PDP2: variants seen among roughly 807,000 people sequenced by gnomAD.
PDP2 encodes [Pyruvate dehydrogenase [acetyl-transferring]]-phosphatase 2, mitochondrial.
PDP2 carries 23 observed loss-of-function variants against 34.2 expected under a neutral mutation model. The observed-to-expected ratio is 0.67, with a 90% confidence interval of 0.48 to 0.95. The LOEUF is 0.95. PDP2 is among the 40% of genes least tolerant of loss of function. The pLI is 0.00. For synonymous variants in PDP2, 275 were observed against 269.2 expected (o/e 1.02, Z -0.21); for missense variants, 571 against 659.6 (o/e 0.87, Z 1.47).
At position 66,885,849 on chromosome 16, in the gene PDP2, T is replaced by C; in HGVS notation, c.1565T>C (p.Ile522Thr). 1.2e-6 allele frequency: 2 copies of C among 1,608,986 alleles called. No homozygotes were observed. The highest frequency in any genetic ancestry group is 1.7e-6 in the Non-Finnish European group (2 of 1,176,654). ...GTGGTGTATTTTAACTCAGAATCAA[T>C]CGGTGCATATTACAAGGGGGGTTAA... ...VTVVYFNSES[I>T]GAYYKGG Residue 522 changes from isoleucine (I) to threonine (T), a missense_variant, in exon 2 of 2, where the codon ATC becomes ACC. By Grantham distance (89) the Ile-to-Thr change is moderately conservative. Around this residue, in one of 2 missense-constraint regions of PDP2, gnomAD observed 281 missense variants for 375.8 expected, o/e 0.75. Coordinates refer to ENST00000311765, the MANE Select transcript of PDP2 (RefSeq NM_020786.4). This position sits in a 1 kb window ranked among gnomAD's most constrained non-coding sequence, Gnocchi z 4.6.
chr16:66,883,359 C>T (rs1961597414), intron 1 of PDP2, among the ~76,000 whole-genome samples: 1 of 152,122 alleles, frequency 6.6e-6, no homozygotes, highest in South Asian at 2.1e-4. Flanking sequence ...GTCTCGATCT[C>T]CTGAACTCGT....
At chr16:66,883,384 G>A (rs1961599258) in intron 1 of PDP2, among the ~76,000 whole-genome samples, 1 of 151,954 alleles carries the variant, frequency 6.6e-6, no homozygotes, top group Admixed American at 6.6e-5. Context: ...AGCCCACCTC[G>A]GCCTCCCAAA....
chr16:66,881,701 A>G lies in PDP2; in HGVS notation c.-55+1061A>G, dbSNP rs538398459. Among the ~76,000 whole-genome samples, 25 of 152,218 alleles carry G rather than the reference A, an allele frequency of 1.6e-4. No homozygotes were observed. In the East Asian group the frequency reaches 4.8e-3, roughly 29 times the overall value. ...TTTGTTGTTGTTGTTGTTTTTAAAG[A>G]GACAGATCTGGCTCTGTCGCCCAGG... On this transcript the variant is annotated intron_variant, in intron 1 of 1. Transcript: ENST00000311765.
chr16:66,884,639 C>G lies in PDP2; in HGVS notation c.355C>G (p.Pro119Ala). Residue 119 changes from proline to alanine, a missense_variant, in exon 2 of 2, where the codon CCA becomes GCA. Around this residue, in one of 2 missense-constraint regions of PDP2, gnomAD observed 290 missense variants for 283.8 expected, o/e 1.02. Coordinates refer to ENST00000311765, the MANE Select transcript of PDP2 (RefSeq NM_020786.4). ...GAGCAACCAGCTGGCTGCCAATTCC[C>G]CAGTGGAGGACCGGCGAGGTGTAGC... is the stretch of plus-strand genomic sequence containing the variant. ...FESNQLAANS[P>A]VEDRRGVASC... 1 of 1,614,230 alleles carries G rather than the reference C, an allele frequency of 6.2e-7. No individual in the cohort carries two copies. The highest frequency in any genetic ancestry group is 8.5e-7 in the Non-Finnish European group (1 of 1,180,038).
Position 66,885,193 on chromosome 16 carries a change from G to A in PDP2, c.909G>A (p.Leu303=). Residue 303 remains leucine, a synonymous_variant, in exon 2 of 2, where the codon CTG becomes CTA. Coordinates refer to ENST00000311765, the MANE Select transcript of PDP2 (RefSeq NM_020786.4). This position sits in a 1 kb window ranked among gnomAD's most constrained non-coding sequence, Gnocchi z 4.6. ...AGGACAATGGCATGTGGTCTTGTCT[G>A]CCCCTTACACGTGACCACAATGCCT... The part of the protein sequence containing the change: ...VQEDNGMWSC[L]PLTRDHNAWN... 1 of 1,613,966 alleles carries A rather than the reference G, an allele frequency of 6.2e-7. No homozygotes were observed.
At chr16:66,881,426 TTTTTTAATTTAATTTAA>T (rs1567514411) in intron 1 of PDP2, among the ~76,000 whole-genome samples, 1 of 133,100 alleles carries the variant, frequency 7.5e-6, no homozygotes, top group African/African-American at 3.6e-5. Flanking sequence ...CTGTTTTTTT[TTTTTTAATTTAATTTAA>T]TTTAATTTAA....
At chr16:66,882,377 AG>A (rs1961559136) in intron 1 of PDP2, among the ~76,000 whole-genome samples, 3 of 152,282 alleles carry the variant, frequency 2.0e-5, no homozygotes, top group Admixed American at 2.0e-4. Flanking sequence ...GCAAGGCTGC[AG>A]TGAGCCACGA....
In PDP2 at chr16:66,886,279, C is replaced by T; in HGVS notation, c.*405C>T. On this transcript the variant is annotated 3_prime_UTR_variant, in exon 2 of 2. Transcript: ENST00000311765. ...AAAAATCTGCAAATTTGATAATTCT[C>T]CTGAATTCACAATCATGGACTTGTA... 4.2e-6 allele frequency: 1 copy of T among 236,644 alleles called. No individual in the cohort carries two copies. Among genetic ancestry groups the T allele is most frequent in the Non-Finnish European group, 9.3e-6 (1 of 107,406 alleles). The allele number at this position is 236,644 out of a possible 1,614,324, so 14.7% of individuals were successfully genotyped here.
intron 1 of PDP2, chr16:66,883,130 T>C (rs1344217445): frequency 6.6e-6 from 1 of 151,824 alleles, no homozygotes; most frequent in African/African-American, 2.4e-5. Flanking sequence ...CGAAGCAGAT[T>C]ATTTATTTAT....
intron 1 of PDP2, among the ~76,000 whole-genome samples, chr16:66,881,242 C>A (rs367972394): frequency 9.2e-5 from 14 of 152,260 alleles, no homozygotes; most frequent in Middle Eastern, 3.4e-3. Context: ...GCGCCCTCTG[C>A]TCCCGGACAG....
At position 66,884,517 on chromosome 16, in the gene PDP2, G is replaced by A. The variant is rs1399499819; in HGVS notation, c.233G>A (p.Ser78Asn). ...GAAGATGATTTTCACTTGCAACTCA[G>A]CCCTGAGCAGATAAATGAAGTGCTT... The part of the protein sequence containing the change: ...TEEDDFHLQL[S>N]PEQINEVLRA... Residue 78 changes from serine to asparagine, a missense_variant, in exon 2 of 2, where the codon AGC becomes AAC. Physicochemically the swap from Ser to Asn is conservative, Grantham distance 46. Transcript: ENST00000311765. The A allele has an allele frequency of 6.2e-7, 1 of 1,614,210 alleles. No individual in the cohort carries two copies. Among genetic ancestry groups the A allele is most frequent in the Admixed American group, 1.7e-5 (1 of 60,018 alleles).
rs761891095 is a variant in PDP2 at position 66,885,850 on chromosome 16, C to T, written c.1566C>T (p.Ile522=). ...TGGTGTATTTTAACTCAGAATCAAT[C>T]GGTGCATATTACAAGGGGGGTTAAG... is the stretch of plus-strand genomic sequence containing the variant. The part of the protein sequence containing the change: ...VTVVYFNSES[I]GAYYKGG Residue 522 remains isoleucine, a synonymous_variant, in exon 2 of 2, where the codon ATC becomes ATT. Coordinates refer to ENST00000311765, the MANE Select transcript of PDP2 (RefSeq NM_020786.4). This position sits in a 1 kb window ranked among gnomAD's most constrained non-coding sequence, Gnocchi z 4.6. 3.1e-6 allele frequency: 5 copies of T among 1,608,382 alleles called. No homozygotes were observed. The Admixed American group carries it at 5.0e-5, about 16-fold the overall frequency.
chr16:66,884,321 A>G lies in PDP2; in HGVS notation c.37A>G (p.Thr13Ala), dbSNP rs745711778. Residue 13 changes from threonine (T) to alanine (A), a missense_variant, in exon 2 of 2, where the codon ACA becomes GCA. Thr to Ala is a moderately conservative substitution (Grantham distance 58, BLOSUM62 0). This residue lies in a region of PDP2 where 290 missense variants were observed against 283.8 expected (regional missense o/e 1.02). Transcript: ENST00000311765. Reference protein sequence around the residue: ...STVSYWILNSTRNSIATLQGG... With the variant: ...STVSYWILNSARNSIATLQGG... ...TGTGTCCTACTGGATCTTAAATTCT[A>G]CAAGGAACAGCATTGCCACATTGCA... 127 of 1,613,110 alleles carry G rather than the reference A, an allele frequency of 7.9e-5. 2 individuals are homozygous for G. In the South Asian group the frequency reaches 1.2e-3, roughly 16 times the overall value.
chr16:66,885,523 C>G lies in PDP2; in HGVS notation c.1239C>G (p.Gly413=). The change falls in exon 2 of 2, where the codon GGC becomes GGG. Residue 413 remains glycine (G), a synonymous_variant. Coordinates refer to ENST00000311765, the MANE Select transcript of PDP2 (RefSeq NM_020786.4). This position sits in a 1 kb window ranked among gnomAD's most constrained non-coding sequence, Gnocchi z 4.6. ...AGTTCCTTGTGCTGGCCTCAGATGG[C>G]CTGTGGGACATGCTGAGCAATGAGG... The part of the protein sequence containing the change: ...QDKFLVLASD[G]LWDMLSNEDV... The G allele has an allele frequency of 2.5e-6, 4 of 1,614,066 alleles. No homozygotes were observed. The highest frequency in any genetic ancestry group is 3.4e-6 in the Non-Finnish European group (4 of 1,180,032).
Position 66,886,631 on chromosome 16 carries a change from G to T in PDP2, c.*757G>T. ...TACTGAGTCCCATTCCAGAAACTTT[G>T]AGCCATGCTAGGAGGTAACTAGTCT... On this transcript the variant is annotated 3_prime_UTR_variant, in exon 2 of 2. Transcript: ENST00000311765. 9.2e-6 allele frequency: 4 copies of T among 435,898 alleles called. No homozygotes were observed. Among genetic ancestry groups the T allele is most frequent in the South Asian group, 4.8e-5 (3 of 61,992 alleles). The allele number at this position is 435,898 out of a possible 1,614,324, so 27.0% of individuals were successfully genotyped here.
In PDP2 at chr16:66,889,705, C is replaced by T. The variant is rs1961929972; in HGVS notation, c.*3831C>T. The T allele has an allele frequency of 6.6e-6, 1 of 151,738 alleles. No individual in the cohort carries two copies. The highest frequency in any genetic ancestry group is 2.4e-5 in the African/African-American group (1 of 41,264). The allele number at this position is 151,738 out of a possible 1,614,324, so 9.4% of individuals were successfully genotyped here. On this transcript the variant is annotated 3_prime_UTR_variant, in exon 2 of 2. Coordinates refer to ENST00000311765, the MANE Select transcript of PDP2 (RefSeq NM_020786.4). The stretch of plus-strand genomic sequence containing the variant: ...AAATTCGTGGCTAGGCACAGTGGCC[C>T]ACACCTGTAATCCCAGCACTTTGGG...
chr16:66,881,628 C>G (rs1412555118), intron 1 of PDP2, among the ~76,000 whole-genome samples: 3 of 151,892 alleles, frequency 2.0e-5, no homozygotes, highest in Non-Finnish European at 4.4e-5. Context: ...AGGATAAAAC[C>G]TAAGTAGAGA....
rs140965631 is a variant in PDP2, at chr16:66,884,704, C to T, written c.420C>T (p.Phe140=). ...CCAATGGACTGATGTTTGGCATCTT[C>T]GATGGACATGGTGGTCATGCATGTG... is the stretch of plus-strand genomic sequence containing the variant. ...LQTNGLMFGI[F]DGHGGHACAQ... The change falls in exon 2 of 2, where the codon TTC becomes TTT. Residue 140 remains phenylalanine, a synonymous_variant. Transcript: ENST00000311765. The T allele has an allele frequency of 4.3e-4, 693 of 1,614,184 alleles. 1 individual carries two copies. The highest frequency in any genetic ancestry group is 5.6e-4 in the Non-Finnish European group (663 of 1,180,036).
chr16:66,884,576 C>T lies in PDP2; in HGVS notation c.292C>T (p.Leu98Phe). ...AGETTHKILD[L>F]ESRVPNSVLR... ...CGAGACAACCCACAAGATTCTTGAC[C>T]TTGAAAGCAGAGTCCCAAATTCAGT... The change falls in exon 2 of 2, where the codon CTT becomes TTT. Residue 98 changes from leucine (L) to phenylalanine (F), a missense_variant. By Grantham distance (22) the Leu-to-Phe change is conservative (BLOSUM62 0). This residue lies in a region of PDP2 where 290 missense variants were observed against 283.8 expected (regional missense o/e 1.02). Transcript: ENST00000311765. 6.2e-7 allele frequency: 1 copy of T among 1,614,200 alleles called. No homozygotes were observed. Among genetic ancestry groups the T allele is most frequent in the Non-Finnish European group, 8.5e-7 (1 of 1,180,032 alleles).
Sources: allele counts gnomAD v4.1 joint callset (sites outside exome capture counted in the v4.1 genomes callset), GRCh38; gene constraint gnomAD v4.1.1; regional missense constraint gnomAD v4.1.1; non-coding constraint Gnocchi (gnomAD v3.1); transcripts MANE v1.5; gene names NCBI Gene and HGNC (gene_info 2026-07-23, HGNC 2026-07-21).